DUOX1: variants seen among roughly 807,000 people sequenced by gnomAD.
The protein encoded by DUOX1 is dual oxidase 1.
DUOX1 carries 134 observed loss-of-function variants against 181.8 expected under a neutral mutation model. The ratio of observed to expected loss-of-function variants is 0.74; its 90% CI spans 0.64 to 0.85. The LOEUF is 0.85. Among genes scored for constraint, DUOX1 ranks in the 40% least tolerant of loss-of-function variants. The probability of loss-of-function intolerance (pLI) is 0.00; values close to 1 mark genes in which losing one functional copy is unlikely to be tolerated. For missense variants in DUOX1, 1,814 were observed against 2,064.4 expected (o/e 0.88, Z 2.35); for synonymous variants, 798 against 832.5 (o/e 0.96, Z 0.71).
At chr15:45,161,094 C>G (rs1897088179) in intron 29 of DUOX1, 104 bp downstream of exon 29, 1 of 1,528,112 alleles carries the variant, frequency 6.5e-7, no homozygotes, top group Non-Finnish European at 8.8e-7. Context: ...GTGGAGCTGG[C>G]AGGTGCCTTG....
rs1010579406 is a variant in DUOX1 at position 45,135,025 on chromosome 15, G to A, written c.308-79G>A. 10 of 1,545,168 alleles carry A rather than the reference G, an allele frequency of 6.5e-6. No individual in the cohort carries two copies. The African/African-American group carries it at 1.1e-4, about 17-fold the overall frequency. ...TGAGTCTTTTGAAGCTTCAGGGGAG[G>A]GAAGGAAACTGGATACCTAGGGTAA... On this transcript the variant is annotated intron_variant, in intron 4 of 33. Transcript: ENST00000389037.
At chr15:45,134,580 G>A (rs563359245) in intron 4 of DUOX1, among the ~76,000 whole-genome samples, 2 of 152,318 alleles carry the variant, frequency 1.3e-5, no homozygotes, top group South Asian at 2.1e-4. Context: ...TCGTTGGGTT[G>A]TTGGTGGGGG....
chr15:45,151,058 C>A, intron 22 of DUOX1, 65 bp from the exon 23 acceptor site: 3 of 1,596,082 alleles, frequency 1.9e-6, no homozygotes, highest in South Asian at 1.2e-5. Context: ...GGAGGCAGAC[C>A]AGGATAGCAG....
rs1896793143 is a variant in DUOX1, at chr15:45,151,213, C to T, written c.2979C>T (p.Asp993=). The part of the protein sequence containing the change: ...PQRLQCPMDT[D]PPQEIRRRFG... The stretch of plus-strand genomic sequence containing the variant: ...GACTGCAGTGCCCCATGGACACAGA[C>T]CCTCCCCAGGAGATTCGGCGGAGGT... The change falls in exon 23 of 34, where the codon GAC becomes GAT. Residue 993 remains aspartate (D), a synonymous_variant. Transcript: ENST00000389037. The T allele has an allele frequency of 6.2e-7, 1 of 1,614,170 alleles. No homozygotes were observed. Among genetic ancestry groups the T allele is most frequent in the Non-Finnish European group, 8.5e-7 (1 of 1,180,030 alleles).
At chr15:45,160,042 C>T (rs1897059299) in intron 28 of DUOX1, among the ~76,000 whole-genome samples, 1 of 152,160 alleles carries the variant, frequency 6.6e-6, no homozygotes, top group Non-Finnish European at 1.5e-5. Context: ...ATCCCAGCTA[C>T]TCGGGAGGCT....
intron 19 of DUOX1, 95 bp from the exon 20 acceptor site, chr15:45,147,809 G>A (rs1896693442): frequency 6.6e-7 from 1 of 1,507,678 alleles, no homozygotes; most frequent in Non-Finnish European, 9.2e-7. Flanking sequence ...GTGTCCAGAA[G>A]TGGGTCATCA....
Position 45,136,575 on chromosome 15 carries a change from G to A in DUOX1, c.972G>A (p.Ala324=), listed in dbSNP as rs1420070288. ...CCAGCATCTCCTCAGAGTTCGTGGC[G>A]GCCTCTGAGCAGTTCCTGTCCACCA... ...LDPSISSEFV[A]ASEQFLSTMV... Residue 324 remains alanine (A), a synonymous_variant, in exon 9 of 34, where the codon GCG becomes GCA. Transcript: ENST00000389037. The A allele has an allele frequency of 2.5e-6, 4 of 1,614,066 alleles. No homozygotes were observed. The highest frequency in any genetic ancestry group is 2.2e-5 in the East Asian group (1 of 44,876).
rs773595154 is a variant in DUOX1, at chr15:45,160,977, G to A, written c.3843G>A (p.Glu1281=). The A allele has an allele frequency of 6.2e-7, 1 of 1,614,162 alleles. No individual in the cohort carries two copies. The highest frequency in any genetic ancestry group is 1.1e-5 in the South Asian group (1 of 91,068). ...TGGAGATCAGCGTGGTGAAGGCGGA[G>A]CTGCTGCCCTCAGGTACCAGCCTGG... is the stretch of plus-strand genomic sequence containing the variant. ...KKVEISVVKA[E]LLPSGVTHLR... Residue 1281 remains glutamate, a synonymous_variant, in exon 29 of 34, where the codon GAG becomes GAA. Transcript: ENST00000389037.
chr15:45,137,806 A>G, intron 9 of DUOX1, 118 bp from the exon 10 acceptor site: 1 of 765,656 alleles, frequency 1.3e-6, no homozygotes, highest in Non-Finnish European at 2.0e-6. Context: ...CGAACCACAC[A>G]CCACCTCGGA....
Position 45,150,489 on chromosome 15 carries a change from G to T in DUOX1, c.2819-143G>T, listed in dbSNP as rs1706803. The T allele has an allele frequency of 1.0e-4, 74 of 728,418 alleles. 1 individual carries two copies. The East Asian group carries it at 1.6e-3, about 15-fold the overall frequency. 45.1% of individuals were successfully genotyped at this position (728,418 alleles called of 1,614,324 possible). On this transcript the variant is annotated intron_variant, in intron 21 of 33. Transcript: ENST00000389037. ...CCCATTGGGGACAAGGGCTGAGGTTGGAGCACCCGAAAGCAGGGCCTCCAT... is the reference window on the plus strand; with the variant it reads ...CCCATTGGGGACAAGGGCTGAGGTTTGAGCACCCGAAAGCAGGGCCTCCAT...
At chr15:45,141,501 A>G in intron 14 of DUOX1, 91 bp downstream of exon 14, 2 of 1,364,068 alleles carry the variant, frequency 1.5e-6, no homozygotes, top group South Asian at 1.2e-5. Flanking sequence ...CTGAACGTCA[A>G]TCTCTGTGCT....
At position 45,147,770 on chromosome 15, in the gene DUOX1, C is replaced by T. The variant is rs1366579005; in HGVS notation, c.2548+112C>T. 39 of 1,552,686 alleles carry T rather than the reference C, an allele frequency of 2.5e-5. No homozygotes were observed. In the Admixed American group the frequency reaches 2.6e-4, roughly 10 times the overall value. On this transcript the variant is annotated intron_variant, in intron 19 of 33. Coordinates refer to ENST00000389037, the MANE Select transcript of DUOX1 (RefSeq NM_175940.3). ...GGCAGATGCCCAGAAGTGCCCAGGCCGAGGTCAGGAAGCAGAGCGACCCTT... is the reference window on the plus strand; with the variant it reads ...GGCAGATGCCCAGAAGTGCCCAGGCTGAGGTCAGGAAGCAGAGCGACCCTT...
Position 45,162,295 on chromosome 15 carries a change from G to A in DUOX1, c.4166G>A (p.Gly1389Asp). 2 of 1,613,900 alleles carry A rather than the reference G, an allele frequency of 1.2e-6. No homozygotes were observed. The highest frequency in any genetic ancestry group is 1.7e-6 in the Non-Finnish European group (2 of 1,179,894). ...GAGGTGTCAGTGTTAGTGGGAGGGGGCATTGGGGTCACCCCTTTTGCCTCC... is the reference window on the plus strand; with the variant it reads ...GAGGTGTCAGTGTTAGTGGGAGGGGACATTGGGGTCACCCCTTTTGCCTCC... ...KFEVSVLVGG[G>D]IGVTPFASIL... Residue 1389 changes from glycine to aspartate, a missense_variant, in exon 31 of 34, where the codon GGC becomes GAC. Gly to Asp is a moderately conservative substitution (Grantham distance 94, BLOSUM62 -1). Around this residue, in one of 5 missense-constraint regions of DUOX1, gnomAD observed 279 missense variants for 381.9 expected, o/e 0.73. Transcript: ENST00000389037.
Position 45,155,890 on chromosome 15 carries a change from C to T in DUOX1, c.3663C>T (p.Phe1221=). The change falls in exon 28 of 34, where the codon TTC becomes TTT. Residue 1221 remains phenylalanine (F), a synonymous_variant. Coordinates refer to ENST00000389037, the MANE Select transcript of DUOX1 (RefSeq NM_175940.3). The part of the protein sequence containing the change: ...HHFRRRSFRG[F]WLTHHLYILL... Reference sequence around the variant, plus strand: ...TCCGCCGCCGCAGTTTCCGGGGCTTCTGGCTGACCCACCACCTCTACATCC... The same window carrying T: ...TCCGCCGCCGCAGTTTCCGGGGCTTTTGGCTGACCCACCACCTCTACATCC... The T allele has an allele frequency of 6.2e-7, 1 of 1,614,130 alleles. No individual in the cohort carries two copies. The highest frequency in any genetic ancestry group is 8.5e-7 in the Non-Finnish European group (1 of 1,179,996).
chr15:45,141,017 A>T lies in DUOX1; in HGVS notation c.1512A>T (p.Gln504His), dbSNP rs1381928607. The T allele has an allele frequency of 1.2e-6, 2 of 1,614,036 alleles. No individual in the cohort carries two copies. Among genetic ancestry groups the T allele is most frequent in the East Asian group, 4.5e-5 (2 of 44,892 alleles). The change falls in exon 13 of 34, where the codon CAA (glutamine) becomes CAT (histidine). Residue 504 changes from glutamine (Q) to histidine (H), a missense_variant. By Grantham distance (24) the Gln-to-His change is conservative (BLOSUM62 0). Around this residue, in one of 5 missense-constraint regions of DUOX1, gnomAD observed 1,064 missense variants for 1,152.9 expected, o/e 0.92. Coordinates refer to ENST00000389037, the MANE Select transcript of DUOX1 (RefSeq NM_175940.3). ...GPLFSTIVLE[Q>H]FVRLRDGDRY... ...TGTTCAGCACCATCGTCCTTGAACA[A>T]TTTGTGCGGCTACGGGATGGTGACC...
intron 28 of DUOX1, among the ~76,000 whole-genome samples, chr15:45,160,265 T>G (rs978138989): frequency 6.6e-6 from 1 of 152,092 alleles, no homozygotes; most frequent in Admixed American, 6.6e-5. Context: ...GTGTTTCTAC[T>G]GAGACCTGAA....
chr15:45,161,041 G>A lies in DUOX1; in HGVS notation c.3856+51G>A, dbSNP rs761782508. ...TGGTGACACTGAGGGAGCTGACCGG[G>A]CAGAGGCAGAGTCTAGACCGCACAG... On this transcript the variant is annotated intron_variant, in intron 29 of 33. Coordinates refer to ENST00000389037, the MANE Select transcript of DUOX1 (RefSeq NM_175940.3). 8.1e-6 allele frequency: 13 copies of A among 1,610,376 alleles called. No individual in the cohort carries two copies. The Admixed American group carries it at 2.0e-4, about 25-fold the overall frequency.
At chr15:45,157,638 G>A (rs1320800938) in intron 28 of DUOX1, among the ~76,000 whole-genome samples, 1 of 151,962 alleles carries the variant, frequency 6.6e-6, no homozygotes, top group Non-Finnish European at 1.5e-5. Context: ...GGTCAACATG[G>A]CGAAACCTCG....
At chr15:45,144,833 T>A (rs1041316365) in intron 17 of DUOX1, 62 bp from the exon 18 acceptor site, 66 of 1,519,278 alleles carry the variant, frequency 4.3e-5, no homozygotes, top group Non-Finnish European at 2.0e-5. Context: ...ATAATCCACA[T>A]AAACTGCCTA....
Sources: gnomAD v4.1 joint callset for allele counts (sites outside exome capture counted in the v4.1 genomes callset) on GRCh38, gnomAD v4.1.1 for gene constraint, gnomAD v4.1.1 regional missense constraint, MANE v1.5 for transcripts, NCBI Gene and HGNC (gene_info 2026-07-23, HGNC 2026-07-21) for gene names.